The following EFEMP1 variants were observed in gnomAD, a reference collection of about 807,000 sequenced individuals.
EFEMP1 encodes EGF-containing fibulin-like extracellular matrix protein 1.
In EFEMP1, 18 loss-of-function variants were observed where a neutral mutation model predicts 65.7. The observed-to-expected ratio is 0.27, with a 90% CI of 0.19 to 0.41. The LOEUF (loss-of-function observed/expected upper bound fraction) is 0.41, where lower values mean the gene tolerates loss of function less well. EFEMP1 is among the 10% of genes least tolerant of loss of function. The pLI, the probability that EFEMP1 is intolerant of heterozygous loss-of-function variation, is 1.00. For synonymous variants in EFEMP1, 237 were observed against 219.7 expected, an observed-to-expected ratio of 1.08 and a Z score of -0.70; for missense variants, 469 against 624.8, an observed-to-expected ratio of 0.75 and a Z score of 2.66.
At chr2:55,872,043 G>A (rs1668829408) in intron 9 of EFEMP1, among the ~76,000 whole-genome samples, 1 of 151,902 alleles carries the variant, frequency 6.6e-6, no homozygotes, top group African/African-American at 2.4e-5. Context: ...TGAGAGAACA[G>A]TTTTACTAGA....
intron 5 of EFEMP1, among the ~76,000 whole-genome samples, chr2:55,896,005 C>T (rs1225835085): frequency 6.6e-6 from 1 of 152,106 alleles, no homozygotes; most frequent in Non-Finnish European, 1.5e-5. Context: ...TTTGCTCTGA[C>T]CACCAAAGTC....
chr2:55,880,315 A>G (rs754618786), intron 6 of EFEMP1, among the ~76,000 whole-genome samples: 2 of 152,146 alleles, frequency 1.3e-5, no homozygotes, highest in Non-Finnish European at 2.9e-5. Flanking sequence ...CTGTGACCGT[A>G]TGTTCCATTA....
Position 55,917,674 on chromosome 2 carries a change from CGTTG to C in EFEMP1, c.504_507del (p.His168GlnfsTer6). 6.2e-7 allele frequency: 1 copy of C among 1,614,174 alleles called. No homozygotes were observed. The highest frequency in any genetic ancestry group is 8.5e-7 in the Non-Finnish European group (1 of 1,180,014). ...AATAAGTTATTCCTACCTTGGCACA[CGTTG>C]TGTTCACTTTGCTCGTAGCCTGCTG... On this transcript the variant is annotated frameshift_variant, in exon 5 of 12. Transcript: ENST00000355426. LOFTEE classifies it high-confidence loss of function. The surrounding 1 kb of genome is among the most constrained non-coding windows in gnomAD (Gnocchi z 6.3).
At chr2:55,893,824 G>T (rs573318893) in intron 5 of EFEMP1, among the ~76,000 whole-genome samples, 1 of 152,166 alleles carries the variant, frequency 6.6e-6, no homozygotes, top group South Asian at 2.1e-4. Context: ...TTGTTTTGTT[G>T]CTTAGTGTCA....
chr2:55,867,812 A>G lies in EFEMP1; in HGVS notation c.1321-578T>C, dbSNP rs1307507308. ...GCCTGATGAGAGTCACCAGGCATAA[A>G]TGAAAGTTTTGTAAAGTAATATGTT... On this transcript the variant is annotated intron_variant, in intron 11 of 11. Coordinates refer to ENST00000355426, the MANE Select transcript of EFEMP1 (RefSeq NM_001039348.3). This position sits in a 1 kb window ranked among gnomAD's most constrained non-coding sequence, Gnocchi z 4.3. Among the ~76,000 whole-genome samples, 2 of 152,192 alleles carry G rather than the reference A, an allele frequency of 1.3e-5. No homozygotes were observed. Among genetic ancestry groups the G allele is most frequent in the Non-Finnish European group, 2.9e-5 (2 of 68,036 alleles).
At position 55,917,807 on chromosome 2, in the gene EFEMP1, G is replaced by A. The variant is rs766834306; in HGVS notation, c.375C>T (p.Val125=). The change falls in exon 5 of 12, where the codon GTC becomes GTT. Residue 125 remains valine, a synonymous_variant. Coordinates refer to ENST00000355426, the MANE Select transcript of EFEMP1 (RefSeq NM_001039348.3). This position sits in a 1 kb window ranked among gnomAD's most constrained non-coding sequence, Gnocchi z 6.3. ...GGCCAGTCTGCATTTCAGGGCCTGC[G>A]ACTGCAGCAGCACTGGCCACAAAAC... ...GGGFVASAAA[V]AGPEMQTGRN... 8.1e-6 allele frequency: 13 copies of A among 1,614,094 alleles called. No individual in the cohort carries two copies. The highest frequency in any genetic ancestry group is 2.2e-5 in the South Asian group (2 of 91,088).
chr2:55,908,118 G>C (rs2104437761), intron 5 of EFEMP1, among the ~76,000 whole-genome samples: 1 of 152,288 alleles, frequency 6.6e-6, no homozygotes, highest in Admixed American at 6.5e-5. Flanking sequence ...TTTGGGACAA[G>C]ATCAGAAAAC....
In EFEMP1 at chr2:55,877,695, TG is replaced by T; in HGVS notation, c.760+50del. 2 of 1,611,140 alleles carry T rather than the reference TG, an allele frequency of 1.2e-6. No homozygotes were observed. Among genetic ancestry groups the T allele is most frequent in the Non-Finnish European group, 1.7e-6 (2 of 1,178,000 alleles). ...AAACTGGAAATACTGCAACATGGCA[TG>T]GGGTTTCCTTTTGTGAAGACAGAAA... On this transcript the variant is annotated intron_variant, in intron 7 of 11. Transcript: ENST00000355426. The surrounding 1 kb of genome is among the most constrained non-coding windows in gnomAD (Gnocchi z 4.5).
Position 55,885,305 on chromosome 2 carries a change from C to A in EFEMP1, c.518-3571G>T, listed in dbSNP as rs1367228. Among the ~76,000 whole-genome samples, 82,642 of 152,014 alleles carry A rather than the reference C, an allele frequency of 0.54. 24,201 individuals carry two copies. Among genetic ancestry groups the A allele is most frequent in the East Asian group, 0.9 (4,632 of 5,164 alleles). ...CATGAGAAGAATGGCAGACAGATGG[C>A]GTCAGCACAGCTGCCGGGGCTCTGT... On this transcript the variant is annotated intron_variant, in intron 5 of 11. Coordinates refer to ENST00000355426, the MANE Select transcript of EFEMP1 (RefSeq NM_001039348.3). The surrounding 1 kb of genome is among the most constrained non-coding windows in gnomAD (Gnocchi z 4.3).
At chr2:55,908,666 A>G (rs959495421) in intron 5 of EFEMP1, among the ~76,000 whole-genome samples, 2 of 152,214 alleles carry the variant, frequency 1.3e-5, no homozygotes, top group Non-Finnish European at 2.9e-5. Flanking sequence ...GTATACATAT[A>G]TCAAAACATC....
intron 5 of EFEMP1, among the ~76,000 whole-genome samples, chr2:55,900,383 C>T (rs1486847071): frequency 1.3e-5 from 2 of 151,638 alleles, no homozygotes; most frequent in Non-Finnish European, 2.9e-5. Context: ...CCGGGTTGGC[C>T]TCTACCTGGC....
At chr2:55,872,412 C>T (rs1302716409) in intron 9 of EFEMP1, among the ~76,000 whole-genome samples, 1 of 152,102 alleles carries the variant, frequency 6.6e-6, no homozygotes, top group Non-Finnish European at 1.5e-5. Flanking sequence ...TCCTTGAGGG[C>T]AAGGGTTATT....
chr2:55,898,421 G>GA lies in EFEMP1; in HGVS notation c.518-16688dup, dbSNP rs796814396. On this transcript the variant is annotated intron_variant, in intron 5 of 11. Coordinates refer to ENST00000355426, the MANE Select transcript of EFEMP1 (RefSeq NM_001039348.3). The stretch of plus-strand genomic sequence containing the variant: ...ATTTTAAACTAATTATTATGATCCA[G>GA]AAAATAGTCCTTACGTAGCACACTC... 4.6e-5 allele frequency among the ~76,000 whole-genome samples: 7 copies of GA among 152,086 alleles called. No homozygotes were observed. In the South Asian group the frequency reaches 1.5e-3, roughly 32 times the overall value.
intron 5 of EFEMP1, among the ~76,000 whole-genome samples, chr2:55,915,786 A>T (rs983985288): frequency 2.0e-5 from 3 of 152,214 alleles, no homozygotes; most frequent in African/African-American, 7.2e-5. Context: ...AAATAACACA[A>T]TTAAAAGTTG....
At position 55,923,627 on chromosome 2, in the gene EFEMP1, TCA is replaced by T; in HGVS notation, c.-49+82_-49+83del. 2 of 985,524 alleles carry T rather than the reference TCA, an allele frequency of 2.0e-6. No individual in the cohort carries two copies. Among genetic ancestry groups the T allele is most frequent in the African/African-American group, 3.5e-5 (2 of 57,282 alleles). The allele number at this position is 985,524 out of a possible 1,614,324, so 61.0% of individuals were successfully genotyped here. On this transcript the variant is annotated intron_variant, in intron 1 of 11. Coordinates refer to ENST00000355426, the MANE Select transcript of EFEMP1 (RefSeq NM_001039348.3). The surrounding 1 kb of genome is among the most constrained non-coding windows in gnomAD (Gnocchi z 5.3). ...GCAGTTCTCGGGTACTCAACACCCC[TCA>T]GCTCACCCCACCTCACTCTCCCGCG... is the stretch of plus-strand genomic sequence containing the variant.
In EFEMP1 at chr2:55,921,458, G is replaced by C. The variant is rs950210829; in HGVS notation, c.81+902C>G. Among the ~76,000 whole-genome samples, 3 of 152,168 alleles carry C rather than the reference G, an allele frequency of 2.0e-5. No individual in the cohort carries two copies. The highest frequency in any genetic ancestry group is 4.4e-5 in the Non-Finnish European group (3 of 68,032). ...TCAAAAATTTTTCACATTCTTTCGA[G>C]TAGGATTACTTAATTTTAAACTGGG... On this transcript the variant is annotated intron_variant, in intron 3 of 11. Transcript: ENST00000355426. This position sits in a 1 kb window ranked among gnomAD's most constrained non-coding sequence, Gnocchi z 4.1.
rs1262419884 is a variant in EFEMP1, at chr2:55,870,888, G to A, written c.1152C>T (p.Ala384=). The A allele has an allele frequency of 6.2e-7, 1 of 1,613,626 alleles. No homozygotes were observed. The highest frequency in any genetic ancestry group is 1.3e-5 in the African/African-American group (1 of 74,882). ...ENRCVCPVSN[A]MCRELPQSIV... Reference sequence around the variant, plus strand: ...TTGACTGGGGCAGTTCTCGGCACATGGCATTTGAGACTGGGCAAACACATC... The same window carrying A: ...TTGACTGGGGCAGTTCTCGGCACATAGCATTTGAGACTGGGCAAACACATC... The change falls in exon 11 of 12, where the codon GCC becomes GCT. Residue 384 remains alanine, a synonymous_variant. Transcript: ENST00000355426. The surrounding 1 kb of genome is among the most constrained non-coding windows in gnomAD (Gnocchi z 5.8).
At chr2:55,884,297 C>T (rs1275779110) in intron 5 of EFEMP1, among the ~76,000 whole-genome samples, 2 of 152,158 alleles carry the variant, frequency 1.3e-5, no homozygotes, top group African/African-American at 4.8e-5. Context: ...TACTTATTTA[C>T]ACATCTATGC....
chr2:55,899,091 A>G (rs1669939889), intron 5 of EFEMP1, among the ~76,000 whole-genome samples: 1 of 152,142 alleles, frequency 6.6e-6, no homozygotes, highest in Non-Finnish European at 1.5e-5. Context: ...TTCATCCTTC[A>G]TTAACTGCAT....
Sources: gnomAD v4.1 joint callset for allele counts (sites outside exome capture counted in the v4.1 genomes callset) on GRCh38, gnomAD v4.1.1 for gene constraint, Gnocchi (gnomAD v3.1) non-coding constraint, MANE v1.5 for transcripts, NCBI Gene and HGNC (gene_info 2026-07-23, HGNC 2026-07-21) for gene names.